The following CWF19L2 variants were observed in gnomAD, a reference collection of about 807,000 sequenced individuals.
CWF19L2 encodes CWF19 like cell cycle control factor 2.
Under a neutral mutation model 111.7 loss-of-function variants are expected in CWF19L2, and 98 were observed. The observed-to-expected ratio is 0.88, with a 90% CI of 0.75 to 1.04. CWF19L2 has a LOEUF of 1.04. CWF19L2 is among the 50% of genes least tolerant of loss of function. CWF19L2 has a pLI of 0.00. For missense variants in CWF19L2, 1,101 were observed against 1,051.4 expected, an observed-to-expected ratio of 1.05 and a Z score of -0.65; for synonymous variants, 351 against 342.9, an observed-to-expected ratio of 1.02 and a Z score of -0.26.
chr11:107,404,587 A>G, intron 10 of CWF19L2: 1 of 602,346 alleles, frequency 1.7e-6, no homozygotes, highest in African/African-American at 1.8e-5. Context: ...GTCTTTCCAC[A>G]GGCAGAAAAA....
chr11:107,385,098 A>G (rs1177880718), intron 12 of CWF19L2, among the ~76,000 whole-genome samples: 5 of 152,144 alleles, frequency 3.3e-5, no homozygotes, highest in Non-Finnish European at 7.4e-5. Flanking sequence ...TCTTTTTTTT[A>G]TAGGCTTTTA....
chr11:107,345,759 C>T (rs1342173576), intron 14 of CWF19L2, among the ~76,000 whole-genome samples: 1 of 152,012 alleles, frequency 6.6e-6, no homozygotes, highest in Non-Finnish European at 1.5e-5. Context: ...ATGATGTTCT[C>T]CATACTCAAT....
intron 10 of CWF19L2, among the ~76,000 whole-genome samples, chr11:107,401,810 C>T (rs1484955620): frequency 6.6e-6 from 1 of 152,184 alleles, no homozygotes; most frequent in Non-Finnish European, 1.5e-5. Context: ...CTGGAAGCAT[C>T]ACACTACCTG....
At chr11:107,351,229 A>G (rs2134544005) in intron 13 of CWF19L2, among the ~76,000 whole-genome samples, 1 of 152,330 alleles carries the variant, frequency 6.6e-6, no homozygotes, top group South Asian at 2.1e-4. Flanking sequence ...TGTGGTCAGA[A>G]CATGAATATA....
Position 107,330,025 on chromosome 11 carries a change from T to C in CWF19L2, c.2440-6A>G, listed in dbSNP as rs745979764. ...TAAGGTAACCCTCTGGGTACCTAAA[T>C]AAACAGACAAATCACAAATGGAATA... On this transcript the variant is annotated splice_polypyrimidine_tract_variant and splice_region_variant and intron_variant, in intron 16 of 17. Transcript: ENST00000282251. 6.5e-7 allele frequency: 1 copy of C among 1,529,124 alleles called. No individual in the cohort carries two copies. 94.7% of individuals were successfully genotyped at this position (1,529,124 alleles called of 1,614,324 possible). A position where few individuals can be genotyped will look rare whatever the true frequency, so the allele number is the denominator to read the frequency against.
intron 16 of CWF19L2, among the ~76,000 whole-genome samples, chr11:107,332,226 C>A (rs963053277): frequency 2.0e-5 from 3 of 152,158 alleles, no homozygotes; most frequent in Non-Finnish European, 4.4e-5. Flanking sequence ...CAAAATTAAA[C>A]TTAAAATACC....
At chr11:107,339,746 G>A (rs1363225709) in intron 14 of CWF19L2, among the ~76,000 whole-genome samples, 1 of 145,958 alleles carries the variant, frequency 6.9e-6, no homozygotes, top group African/African-American at 2.5e-5. Flanking sequence ...ACTCCCTGAA[G>A]ACTCTGCCTC....
At chr11:107,439,487 T>A (rs11212237) in intron 5 of CWF19L2, among the ~76,000 whole-genome samples, 4,180 of 152,216 alleles carry the variant, frequency 0.027, 107 homozygotes, top group East Asian at 0.11. Flanking sequence ...AAAACAGACA[T>A]GTACTTTGAA....
intron 17 of CWF19L2, among the ~76,000 whole-genome samples, chr11:107,329,456 G>C (rs1420429376): frequency 6.6e-6 from 1 of 152,136 alleles, no homozygotes; most frequent in African/African-American, 2.4e-5. Flanking sequence ...TGTACTCCTA[G>C]TTCTACCACT....
intron 11 of CWF19L2, 33 bp downstream of exon 11, chr11:107,392,746 G>A (rs1292317394): frequency 7.7e-7 from 1 of 1,298,062 alleles, no homozygotes; most frequent in Non-Finnish European, 1.1e-6. Flanking sequence ...AAGGAATTCT[G>A]AATTAATAAA....
chr11:107,331,615 A>C (rs987182823), intron 16 of CWF19L2, among the ~76,000 whole-genome samples: 1 of 152,228 alleles, frequency 6.6e-6, no homozygotes, highest in African/African-American at 2.4e-5. Flanking sequence ...CCTTGATTTT[A>C]GCCAAAAGAA....
intron 14 of CWF19L2, among the ~76,000 whole-genome samples, chr11:107,342,609 T>C (rs1860021104): frequency 6.6e-6 from 1 of 152,158 alleles, no homozygotes; most frequent in Admixed American, 6.6e-5. Flanking sequence ...TGTTTTCTAA[T>C]ATTGTTAAGT....
At chr11:107,457,370 G>A (rs1455044777) in intron 1 of CWF19L2, among the ~76,000 whole-genome samples, 1 of 152,196 alleles carries the variant, frequency 6.6e-6, no homozygotes, top group Admixed American at 6.5e-5. Context: ...AATGACTGAG[G>A]CTGCGAGACA....
intron 14 of CWF19L2, among the ~76,000 whole-genome samples, chr11:107,347,646 A>G (rs796368166): frequency 9.2e-5 from 14 of 152,316 alleles, no homozygotes; most frequent in African/African-American, 3.1e-4. Context: ...CTGCTAAACT[A>G]TAATGTAAAC....
At chr11:107,353,474 CA>C (rs759786778) in intron 13 of CWF19L2, 49 bp downstream of exon 13, 10 of 1,422,128 alleles carry the variant, frequency 7.0e-6, no homozygotes, top group East Asian at 2.3e-5. Flanking sequence ...TATGAAGAAA[CA>C]AAAAAAGTTC....
rs769568915 is a variant in CWF19L2 at position 107,429,245 on chromosome 11, A to C, written c.987T>G (p.Asn329Lys). 4.3e-6 allele frequency: 7 copies of C among 1,612,108 alleles called. No homozygotes were observed. The highest frequency in any genetic ancestry group is 5.9e-6 in the Non-Finnish European group (7 of 1,179,326). The change falls in exon 8 of 18, where the codon AAT (asparagine) becomes AAG (lysine). Residue 329 changes from asparagine (N) to lysine (K), a missense_variant. By Grantham distance (94) the Asn-to-Lys change is moderately conservative. Coordinates refer to ENST00000282251, the MANE Select transcript of CWF19L2 (RefSeq NM_152434.3). ...CTTTTTCATCACCAATAAATTTTTC[A>C]TTATTGCTATTTTTTGCAGTATCTG... ...ATTDTAKNSNNEKFIGDEKDK... is the reference protein window; with the variant it reads ...ATTDTAKNSNKEKFIGDEKDK...
chr11:107,453,522 T>A (rs1353193925), intron 3 of CWF19L2, among the ~76,000 whole-genome samples: 2 of 151,908 alleles, frequency 1.3e-5, no homozygotes, highest in Non-Finnish European at 1.5e-5. Flanking sequence ...AGGCCCTGAA[T>A]AACCAGCACC....
At chr11:107,442,725 A>T (rs1399114113) in intron 4 of CWF19L2, among the ~76,000 whole-genome samples, 1 of 89,118 alleles carries the variant, frequency 1.1e-5, no homozygotes, top group African/African-American at 4.3e-5. Flanking sequence ...AGAGAGAAAG[A>T]GAAAGAAAGA....
chr11:107,387,722 CAT>C (rs1395634217), intron 12 of CWF19L2, among the ~76,000 whole-genome samples: 2 of 152,150 alleles, frequency 1.3e-5, no homozygotes, highest in Non-Finnish European at 2.9e-5. Flanking sequence ...AGATCCCTCA[CAT>C]GTCTAATTCA....
Sources: allele counts gnomAD v4.1 joint callset (sites outside exome capture counted in the v4.1 genomes callset), GRCh38; gene constraint gnomAD v4.1.1; transcripts MANE v1.5; gene names NCBI Gene and HGNC (gene_info 2026-07-23, HGNC 2026-07-21).